The following LONRF1 variants were observed in gnomAD, a reference collection of about 807,000 sequenced individuals.
The protein encoded by LONRF1 is LON peptidase N-terminal domain and RING finger protein 1.
LONRF1 carries 37 observed loss-of-function variants against 85.8 expected under a neutral mutation model. The observed-to-expected ratio is 0.43, with a 90% confidence interval of 0.33 to 0.57. The LOEUF is 0.57. Ranked by LOEUF, LONRF1 falls within the 20% of genes least tolerant of loss-of-function variation. LONRF1 has a pLI of 0.04. For synonymous variants in LONRF1, 517 were observed against 390.1 expected, an observed-to-expected ratio of 1.33 and a Z score of -3.83; for missense variants, 1,036 against 978.0, an observed-to-expected ratio of 1.06 and a Z score of -0.79.
intron 3 of LONRF1, among the ~76,000 whole-genome samples, chr8:12,739,965 AAGTT>A (rs1242128700): frequency 1.3e-5 from 2 of 152,184 alleles, no homozygotes; most frequent in Non-Finnish European, 2.9e-5. Context: ...AACAATCTCA[AAGTT>A]CTCATGCTTC....
Position 12,755,498 on chromosome 8 carries a change from C to CCCGCA in LONRF1, c.-79_-78insTGCGG. The CCCGCA allele has an allele frequency of 2.6e-6, 2 of 763,576 alleles. No homozygotes were observed. The highest frequency in any genetic ancestry group is 3.2e-6 in the Non-Finnish European group (2 of 622,586). The allele number at this position is 763,576 out of a possible 1,614,324, so 47.3% of individuals were successfully genotyped here. ...CCGGGCGCGCGGCTCCGCACGCGGC[C>CCCGCA]CGCGAGCAGGGGGGCGTGGCGCGCG... On this transcript the variant is annotated 5_prime_UTR_variant, in exon 1 of 12. Coordinates refer to ENST00000398246, the MANE Select transcript of LONRF1 (RefSeq NM_152271.5).
chr8:12,740,817 TA>T (rs1253798151), intron 3 of LONRF1, 56 bp downstream of exon 3: 30 of 1,547,156 alleles, frequency 1.9e-5, no homozygotes, highest in South Asian at 1.7e-4. Flanking sequence ...CTTTTTTTTT[TA>T]AACCTGTCTG....
intron 2 of LONRF1, among the ~76,000 whole-genome samples, chr8:12,742,799 T>C (rs924890185): frequency 3.9e-5 from 6 of 152,082 alleles, no homozygotes; most frequent in Non-Finnish European, 8.8e-5. Flanking sequence ...GGCACTTCAG[T>C]GGCACAACCT....
intron 7 of LONRF1, 81 bp downstream of exon 7, chr8:12,735,205 C>G: frequency 2.3e-6 from 2 of 862,270 alleles, no homozygotes; most frequent in Non-Finnish European, 3.7e-6. Context: ...ACGTGATCAT[C>G]ACTATTTCTA....
chr8:12,731,132 C>T (rs1418039977), intron 8 of LONRF1, among the ~76,000 whole-genome samples: 1 of 152,152 alleles, frequency 6.6e-6, no homozygotes, highest in Non-Finnish European at 1.5e-5. Flanking sequence ...CCTGGCCCTG[C>T]CTACCCAGCT....
rs539171918 is a variant in LONRF1 at position 12,744,243 on chromosome 8, T to C, written c.722-961A>G. ...CGGGTTTACTCTAGTTTTTAGATGA[T>C]TGCTTTTCTATTCAAAACTCTCACT... is the stretch of plus-strand genomic sequence containing the variant. On this transcript the variant is annotated intron_variant, in intron 1 of 11. Transcript: ENST00000398246. Among the ~76,000 whole-genome samples, 15 of 152,310 alleles carry C rather than the reference T, an allele frequency of 9.8e-5. No individual in the cohort carries two copies. The South Asian group carries it at 1.0e-3, about 11-fold the overall frequency.
At chr8:12,738,884 A>G (rs1163643808) in intron 3 of LONRF1, 1 of 152,210 alleles carries the variant, frequency 6.6e-6, no homozygotes, top group Non-Finnish European at 1.5e-5. Flanking sequence ...CACATATTAA[A>G]GTCTAAATTG....
At chr8:12,750,660 T>A (rs1313008134) in intron 1 of LONRF1, among the ~76,000 whole-genome samples, 5 of 152,228 alleles carry the variant, frequency 3.3e-5, no homozygotes, top group African/African-American at 1.2e-4. Flanking sequence ...CCTCTACATT[T>A]TCTTTAAATG....
chr8:12,754,896 G>A lies in LONRF1; in HGVS notation c.525C>T (p.Thr175=), dbSNP rs1421233375. Reference sequence around the variant, plus strand: ...CGGCCAGAGGCGGCGGCCGCGGGGCGGTCCCTTCAGCATCAGTGGCACTGG... The same window carrying A: ...CGGCCAGAGGCGGCGGCCGCGGGGCAGTCCCTTCAGCATCAGTGGCACTGG... ...ATASATDAEG[T]APRPPPLAAA... is the part of the protein sequence containing the mutation. The change falls in exon 1 of 12, where the codon ACC becomes ACT. Residue 175 remains threonine (T), a synonymous_variant. Transcript: ENST00000398246. 6.7e-7 allele frequency: 1 copy of A among 1,492,908 alleles called. No homozygotes were observed. The highest frequency in any genetic ancestry group is 2.9e-5 in the East Asian group (1 of 35,036). The allele number at this position is 1,492,908 out of a possible 1,614,324, so 92.5% of individuals were successfully genotyped here. A position where few individuals can be genotyped will look rare whatever the true frequency, so the allele number is the denominator to read the frequency against.
intron 10 of LONRF1, among the ~76,000 whole-genome samples, chr8:12,727,040 C>T (rs759218193): frequency 6.6e-6 from 1 of 150,736 alleles, no homozygotes; most frequent in Non-Finnish European, 1.5e-5. Flanking sequence ...AATTTTGGTC[C>T]TGAAATGACT....
At chr8:12,746,799 A>C (rs1461530208) in intron 1 of LONRF1, among the ~76,000 whole-genome samples, 1 of 152,108 alleles carries the variant, frequency 6.6e-6, no homozygotes, top group Non-Finnish European at 1.5e-5. Flanking sequence ...CGAGATTCTA[A>C]CTCAGGAAGC....
chr8:12,725,630 A>C, intron 11 of LONRF1, 97 bp downstream of exon 11: 1 of 1,249,706 alleles, frequency 8.0e-7, no homozygotes, highest in Non-Finnish European at 1.1e-6. Context: ...TCAAAGAAAA[A>C]GTAGTGCAGA....
At chr8:12,742,177 T>C (rs1298544495) in intron 2 of LONRF1, among the ~76,000 whole-genome samples, 1 of 152,204 alleles carries the variant, frequency 6.6e-6, no homozygotes, top group African/African-American at 2.4e-5. Context: ...CTGAATACAT[T>C]TACTTTGTAC....
At chr8:12,754,450 C>G (rs1269986029) in intron 1 of LONRF1, 2 of 353,078 alleles carry the variant, frequency 5.7e-6, no homozygotes, top group Non-Finnish European at 9.7e-6. Context: ...GCCGAGGGAA[C>G]CCCGCGCCGA....
chr8:12,730,304 T>C (rs1259578414), intron 8 of LONRF1, among the ~76,000 whole-genome samples: 2 of 152,210 alleles, frequency 1.3e-5, no homozygotes, highest in African/African-American at 4.8e-5. Context: ...TTAAAGCCTA[T>C]TTATACATAC....
intron 4 of LONRF1, 78 bp from the exon 5 acceptor site, chr8:12,737,218 T>C: frequency 2.0e-6 from 3 of 1,525,158 alleles, no homozygotes; most frequent in South Asian, 2.3e-5. Context: ...CAAACTGAAA[T>C]GAAATTTCAA....
rs1052693007 is a variant in LONRF1, at chr8:12,729,398, A to C, written c.1689-66T>G. ...AAAATATTACCGAACACATACAAAAAATGAGTGAGGTTTATAACAGTAATG... is the reference window on the plus strand; with the variant it reads ...AAAATATTACCGAACACATACAAAACATGAGTGAGGTTTATAACAGTAATG... On this transcript the variant is annotated intron_variant, in intron 8 of 11. Coordinates refer to ENST00000398246, the MANE Select transcript of LONRF1 (RefSeq NM_152271.5). The C allele has an allele frequency of 5.8e-5, 86 of 1,493,570 alleles. No homozygotes were observed. The Admixed American group carries it at 1.5e-3, about 26-fold the overall frequency. 92.5% of individuals were successfully genotyped at this position (1,493,570 alleles called of 1,614,324 possible). A position where few individuals can be genotyped will look rare whatever the true frequency, so the allele number is the denominator to read the frequency against.
chr8:12,725,756 A>G lies in LONRF1; in HGVS notation c.2134T>C (p.Ser712Pro). 1 of 1,613,508 alleles carries G rather than the reference A, an allele frequency of 6.2e-7. No homozygotes were observed. Among genetic ancestry groups the G allele is most frequent in the Admixed American group, 1.7e-5 (1 of 60,018 alleles). The change falls in exon 11 of 12, where the codon TCA becomes CCA. Residue 712 changes from serine (S) to proline (P), a missense_variant. Coordinates refer to ENST00000398246, the MANE Select transcript of LONRF1 (RefSeq NM_152271.5). Reference sequence around the variant, plus strand: ...AGGTTTTCCTCCCTCTCGGGCATTGATCCGAAATGCTGAAGAATTTGGCTT... The same window carrying G: ...AGGTTTTCCTCCCTCTCGGGCATTGGTCCGAAATGCTGAAGAATTTGGCTT... The part of the protein sequence containing the change: ...FRSQILQHFG[S>P]MPEREENLQA...
chr8:12,751,304 T>TTTG (rs59347201), intron 1 of LONRF1, among the ~76,000 whole-genome samples: 2 of 122,100 alleles, frequency 1.6e-5, no homozygotes, highest in Non-Finnish European at 3.4e-5. Context: ...ATGTTTTTTT[T>TTTG]TTTTTTTTTT....
Sources: allele counts gnomAD v4.1 joint callset (sites outside exome capture counted in the v4.1 genomes callset), GRCh38; gene constraint gnomAD v4.1.1; transcripts MANE v1.5; gene names NCBI Gene and HGNC (gene_info 2026-07-23, HGNC 2026-07-21).